Variants in UVRAG observed in about 807,000 individuals in gnomAD.
UVRAG encodes the protein UV radiation resistance associated, also known as UV radiation resistance-associated gene protein.
Under a neutral mutation model 78.0 loss-of-function variants are expected in UVRAG, and 19 were observed. The ratio of observed to expected loss-of-function variants is 0.24; its 90% confidence interval spans 0.17 to 0.36. The LOEUF is 0.36. Ranked by LOEUF, UVRAG falls within the 10% of genes least tolerant of loss-of-function variation. The probability of loss-of-function intolerance (pLI) is 1.00; values close to 1 mark genes in which losing one functional copy is unlikely to be tolerated. For missense variants in UVRAG, 740 were observed against 853.8 expected (o/e 0.87, Z 1.66); for synonymous variants, 323 against 324.6 (o/e 1.00, Z 0.05).
intron 1 of UVRAG, among the ~76,000 whole-genome samples, chr11:75,840,005 C>G (rs1945875758): frequency 6.6e-6 from 1 of 151,992 alleles, no homozygotes; most frequent in African/African-American, 2.4e-5. Context: ...TTCCTCCCTC[C>G]AATTATTTTG....
chr11:76,021,826 G>A (rs1305992832), intron 12 of UVRAG, among the ~76,000 whole-genome samples: 1 of 152,214 alleles, frequency 6.6e-6, no homozygotes, highest in Non-Finnish European at 1.5e-5. Context: ...GGCCAAGGCA[G>A]GCAGATACTT....
intron 1 of UVRAG, among the ~76,000 whole-genome samples, chr11:75,843,982 C>T (rs952913247): frequency 1.3e-5 from 2 of 149,146 alleles, no homozygotes; most frequent in African/African-American, 2.5e-5. Context: ...AAAAAGAACT[C>T]TCAACAGTTT....
chr11:76,031,132 A>T (rs1024222387), intron 12 of UVRAG, among the ~76,000 whole-genome samples: 10 of 152,144 alleles, frequency 6.6e-5, no homozygotes, highest in Non-Finnish European at 1.5e-5. Flanking sequence ...TTAACTCTGG[A>T]TGCTCTGGCC....
In UVRAG at chr11:75,993,774, A is replaced by G. The variant is rs146975225; in HGVS notation, c.827-10231A>G. 9.2e-3 allele frequency among the ~76,000 whole-genome samples: 1,407 copies of G among 152,286 alleles called. 27 individuals carry two copies. The highest frequency in any genetic ancestry group is 0.032 in the African/African-American group (1,313 of 41,538). ...GTAATTTATATAGAAAAGAAGTTTA[A>G]TTGGCTTACGGTTCTGCAGGCTGTA... On this transcript the variant is annotated intron_variant, in intron 8 of 14. Transcript: ENST00000356136.
chr11:76,009,303 A>G (rs1353481256), intron 11 of UVRAG, among the ~76,000 whole-genome samples: 1 of 152,150 alleles, frequency 6.6e-6, no homozygotes, highest in Non-Finnish European at 1.5e-5. Context: ...TTCCATTACC[A>G]CAGGCTTAAT....
chr11:76,141,473 G>T lies in UVRAG; in HGVS notation c.*60G>T. On this transcript the variant is annotated 3_prime_UTR_variant, in exon 15 of 15. Transcript: ENST00000356136. Reference sequence around the variant, plus strand: ...CTCTGCCTAAAATGAAGTGAAAGCTGCACTTAACCCTTTGTGATAATGATG... The same window carrying T: ...CTCTGCCTAAAATGAAGTGAAAGCTTCACTTAACCCTTTGTGATAATGATG... 2 of 1,461,194 alleles carry T rather than the reference G, an allele frequency of 1.4e-6. No homozygotes were observed. Among genetic ancestry groups the T allele is most frequent in the Non-Finnish European group, 1.9e-6 (2 of 1,067,714 alleles). 90.5% of individuals were successfully genotyped at this position (1,461,194 alleles called of 1,614,324 possible).
intron 13 of UVRAG, among the ~76,000 whole-genome samples, chr11:76,102,903 C>T (rs1023939039): frequency 3.9e-5 from 6 of 152,164 alleles, no homozygotes; most frequent in Non-Finnish European, 7.3e-5. Flanking sequence ...CCAGAATCAA[C>T]GTGTTGGCCA....
chr11:75,953,805 A>G (rs545970623), intron 6 of UVRAG, among the ~76,000 whole-genome samples: 1 of 152,294 alleles, frequency 6.6e-6, no homozygotes, highest in African/African-American at 2.4e-5. Flanking sequence ...CTTTCCTATC[A>G]CCAGAATACC....
rs548238379 is a variant in UVRAG at position 75,982,418 on chromosome 11, T to C, written c.700-969T>C. Among the ~76,000 whole-genome samples, 24 of 151,868 alleles carry C rather than the reference T, an allele frequency of 1.6e-4. No homozygotes were observed. The South Asian group carries it at 1.9e-3, about 12-fold the overall frequency. ...TCTCCCCACATATCTTCCACTGATATCACAGAAAGGAGGGTGGCCTCATTA... is the reference window on the plus strand; with the variant it reads ...TCTCCCCACATATCTTCCACTGATACCACAGAAAGGAGGGTGGCCTCATTA... On this transcript the variant is annotated intron_variant, in intron 7 of 14. Coordinates refer to ENST00000356136, the MANE Select transcript of UVRAG (RefSeq NM_003369.4).
intron 3 of UVRAG, among the ~76,000 whole-genome samples, chr11:75,863,892 T>A (rs530380335): frequency 2.0e-5 from 3 of 152,342 alleles, no homozygotes; most frequent in Non-Finnish European, 4.4e-5. Flanking sequence ...TCAAATCTCC[T>A]GGAGGTCACA....
At chr11:75,898,231 T>C (rs7108192) in intron 5 of UVRAG, among the ~76,000 whole-genome samples, 4,435 of 152,272 alleles carry the variant, frequency 0.029, 220 homozygotes, top group African/African-American at 0.1. Context: ...ATAACAACCT[T>C]AGAGGAAGGT....
At chr11:76,088,232 C>T (rs567225064) in intron 13 of UVRAG, among the ~76,000 whole-genome samples, 6 of 152,150 alleles carry the variant, frequency 3.9e-5, no homozygotes, top group Non-Finnish European at 8.8e-5. Flanking sequence ...ACCATTATAG[C>T]GCCCCTATAG....
intron 6 of UVRAG, among the ~76,000 whole-genome samples, chr11:75,925,395 A>G (rs1377390295): frequency 1.3e-5 from 2 of 152,212 alleles, no homozygotes; most frequent in Non-Finnish European, 2.9e-5. Flanking sequence ...CTTTTGTTCT[A>G]AAAGTGGATG....
chr11:75,915,767 A>G (rs1947836785), intron 6 of UVRAG, among the ~76,000 whole-genome samples: 1 of 152,192 alleles, frequency 6.6e-6, no homozygotes, highest in Admixed American at 6.5e-5. Flanking sequence ...CTTATTAGGT[A>G]CCTTTCTCCT....
At chr11:75,987,672 T>G (rs1949527362) in intron 8 of UVRAG, among the ~76,000 whole-genome samples, 1 of 152,114 alleles carries the variant, frequency 6.6e-6, no homozygotes, top group Non-Finnish European at 1.5e-5. Context: ...CTATAAGCAT[T>G]TTTGTAGTTC....
intron 1 of UVRAG, among the ~76,000 whole-genome samples, chr11:75,819,806 T>C (rs867772530): frequency 1.6e-4 from 25 of 152,012 alleles, no homozygotes; most frequent in African/African-American, 5.5e-4. Flanking sequence ...CTGTCTCTAC[T>C]AAAAATAGAA....
chr11:76,033,140 T>A (rs913977223), intron 12 of UVRAG, among the ~76,000 whole-genome samples: 2 of 152,224 alleles, frequency 1.3e-5, no homozygotes, highest in African/African-American at 2.4e-5. Context: ...TTGTATATTC[T>A]AAATTAGGAA....
At chr11:76,058,711 G>T (rs964592201) in intron 12 of UVRAG, among the ~76,000 whole-genome samples, 2 of 152,162 alleles carry the variant, frequency 1.3e-5, no homozygotes, top group African/African-American at 4.8e-5. Context: ...ACCAGAGCAT[G>T]AGATAAATGA....
chr11:75,881,654 C>T (rs762171802), intron 4 of UVRAG, among the ~76,000 whole-genome samples: 2 of 152,190 alleles, frequency 1.3e-5, no homozygotes, highest in South Asian at 2.1e-4. Flanking sequence ...TAGGCTCAAG[C>T]AGTCCTCCTG....
Sources: gnomAD v4.1 joint callset for allele counts (sites outside exome capture counted in the v4.1 genomes callset) on GRCh38, gnomAD v4.1.1 for gene constraint, MANE v1.5 for transcripts, NCBI Gene and HGNC (gene_info 2026-07-23, HGNC 2026-07-21) for gene names.